Variants in NR6A1 observed in about 807,000 individuals in gnomAD.
NR6A1 encodes nuclear receptor subfamily 6 group A member 1.
Under a neutral mutation model 59.1 loss-of-function variants are expected in NR6A1, and 7 were observed. The ratio of observed to expected loss-of-function variants is 0.12; its 90% confidence interval spans 0.07 to 0.22. The LOEUF (loss-of-function observed/expected upper bound fraction) is 0.22, where lower values mean the gene tolerates loss of function less well. NR6A1 is among the 10% of genes least tolerant of loss of function. The pLI, the probability that NR6A1 is intolerant of heterozygous loss-of-function variation, is 1.00. For missense variants in NR6A1, 468 were observed against 611.6 expected, an observed-to-expected ratio of 0.77 and a Z score of 2.48; for synonymous variants, 243 against 236.1, an observed-to-expected ratio of 1.03 and a Z score of -0.27.
intron 2 of NR6A1, among the ~76,000 whole-genome samples, chr9:124,720,729 G>C (rs1472866263): frequency 6.6e-6 from 1 of 152,112 alleles, no homozygotes; most frequent in Non-Finnish European, 1.5e-5. Flanking sequence ...GCCTCAGTTA[G>C]AACTGAGTTA....
At chr9:124,719,048 A>G (rs1191279886) in intron 2 of NR6A1, among the ~76,000 whole-genome samples, 1 of 151,798 alleles carries the variant, frequency 6.6e-6, no homozygotes, top group Non-Finnish European at 1.5e-5. Flanking sequence ...CATAACTGTC[A>G]AGTATTTAGG....
At chr9:124,718,469 A>G (rs1839467504) in intron 2 of NR6A1, among the ~76,000 whole-genome samples, 1 of 152,242 alleles carries the variant, frequency 6.6e-6, no homozygotes, top group African/African-American at 2.4e-5. Flanking sequence ...AACAATTTCA[A>G]GATAACAGAA....
At chr9:124,652,481 G>GA (rs1837135226) in intron 2 of NR6A1, among the ~76,000 whole-genome samples, 1 of 152,124 alleles carries the variant, frequency 6.6e-6, no homozygotes, top group Non-Finnish European at 1.5e-5. Flanking sequence ...ACTGTTATGA[G>GA]AATTAATTCA....
chr9:124,645,653 G>C lies in NR6A1; in HGVS notation c.142+87655C>G, dbSNP rs914109490. Among the ~76,000 whole-genome samples, 23 of 152,106 alleles carry C rather than the reference G, an allele frequency of 1.5e-4. 1 individual carries two copies. Among genetic ancestry groups the C allele is most frequent in the Non-Finnish European group, 5.9e-5 (4 of 67,996 alleles). ...TGTCAAAATACCTGAAGCAAAACCT[G>C]ATAGAACTACAAGAAAAAAACAGAT... is the stretch of plus-strand genomic sequence containing the variant. On this transcript the variant is annotated intron_variant, in intron 2 of 9. Coordinates refer to ENST00000487099, the MANE Select transcript of NR6A1 (RefSeq NM_033334.4).
chr9:124,523,993 A>C (rs1006501741), intron 9 of NR6A1, among the ~76,000 whole-genome samples: 1 of 152,236 alleles, frequency 6.6e-6, no homozygotes, highest in Non-Finnish European at 1.5e-5. Flanking sequence ...TTTATATTGA[A>C]ATAGACCTAT....
At chr9:124,674,018 A>G (rs1401049597) in intron 2 of NR6A1, among the ~76,000 whole-genome samples, 3 of 152,188 alleles carry the variant, frequency 2.0e-5, no homozygotes, top group African/African-American at 7.2e-5. Flanking sequence ...TGTGACCCTC[A>G]GCAAACGACT....
chr9:124,694,916 A>G (rs544005389), intron 2 of NR6A1, among the ~76,000 whole-genome samples: 1 of 152,322 alleles, frequency 6.6e-6, no homozygotes, highest in South Asian at 2.1e-4. Flanking sequence ...TTCAGAGAAA[A>G]TATCAGGTTC....
intron 1 of NR6A1, among the ~76,000 whole-genome samples, chr9:124,758,670 T>G (rs1840705277): frequency 6.6e-6 from 1 of 152,124 alleles, no homozygotes; most frequent in East Asian, 1.9e-4. Flanking sequence ...TAAGGCAGAC[T>G]CAAAGAATGA....
chr9:124,659,971 T>C (rs780706724), intron 2 of NR6A1, among the ~76,000 whole-genome samples: 4 of 152,182 alleles, frequency 2.6e-5, no homozygotes, highest in Non-Finnish European at 5.9e-5. Flanking sequence ...ATTTGGACTT[T>C]GGGAGAAAAA....
intron 2 of NR6A1, among the ~76,000 whole-genome samples, chr9:124,682,154 C>T (rs1413561840): frequency 1.3e-5 from 2 of 152,078 alleles, no homozygotes; most frequent in African/African-American, 2.4e-5. Context: ...ACCACCATGC[C>T]CAGCTAATTT....
chr9:124,627,745 A>T (rs1836285031), intron 2 of NR6A1, among the ~76,000 whole-genome samples: 2 of 151,462 alleles, frequency 1.3e-5, no homozygotes, highest in East Asian at 3.9e-4. Context: ...CTAATTTTCA[A>T]ATTTTTTTGT....
At chr9:124,606,642 G>A (rs371241319) in intron 2 of NR6A1, among the ~76,000 whole-genome samples, 2 of 152,158 alleles carry the variant, frequency 1.3e-5, no homozygotes, top group Non-Finnish European at 2.9e-5. Flanking sequence ...TGTTAAATGG[G>A]AACAGTGATT....
At chr9:124,664,263 G>T (rs1564225645) in intron 2 of NR6A1, among the ~76,000 whole-genome samples, 1 of 152,190 alleles carries the variant, frequency 6.6e-6, no homozygotes, top group Admixed American at 6.5e-5. Context: ...TAAGGCAGTA[G>T]ATTCTCTAAA....
chr9:124,697,106 T>C (rs965608515), intron 2 of NR6A1, among the ~76,000 whole-genome samples: 5 of 152,176 alleles, frequency 3.3e-5, no homozygotes, highest in African/African-American at 7.2e-5. Flanking sequence ...GCCTGGAGTG[T>C]ACTAAGAAAG....
intron 4 of NR6A1, among the ~76,000 whole-genome samples, chr9:124,542,820 A>C (rs1833490159): frequency 6.6e-6 from 1 of 152,150 alleles, no homozygotes; most frequent in South Asian, 2.1e-4. Flanking sequence ...AGCCACCCAA[A>C]GTGCTGGGAT....
At chr9:124,717,215 C>A (rs1273655730) in intron 2 of NR6A1, among the ~76,000 whole-genome samples, 1 of 152,112 alleles carries the variant, frequency 6.6e-6, no homozygotes, top group Non-Finnish European at 1.5e-5. Flanking sequence ...TAACATATAC[C>A]ATATCACCCA....
intron 2 of NR6A1, among the ~76,000 whole-genome samples, chr9:124,567,575 G>A (rs1834301103): frequency 6.6e-6 from 1 of 151,890 alleles, no homozygotes; most frequent in Admixed American, 6.6e-5. Flanking sequence ...GACCAGCCTG[G>A]GCAAGACAAT....
intron 2 of NR6A1, among the ~76,000 whole-genome samples, chr9:124,617,896 G>A (rs956565023): frequency 6.6e-6 from 1 of 151,876 alleles, no homozygotes; most frequent in African/African-American, 2.4e-5. Flanking sequence ...CTGGCACCAA[G>A]ATAAAAAAAA....
At chr9:124,560,437 A>G (rs1417395118) in intron 2 of NR6A1, among the ~76,000 whole-genome samples, 2 of 152,182 alleles carry the variant, frequency 1.3e-5, no homozygotes, top group Admixed American at 1.3e-4. Context: ...TCGGCGTTAC[A>G]TTATTTTCAT....
Sources: gnomAD v4.1 joint callset for allele counts (sites outside exome capture counted in the v4.1 genomes callset) on GRCh38, gnomAD v4.1.1 for gene constraint, MANE v1.5 for transcripts, NCBI Gene and HGNC (gene_info 2026-07-23, HGNC 2026-07-21) for gene names.